Variants in ACP6 observed in about 807,000 individuals in gnomAD.
ACP6 encodes the protein acid phosphatase 6, lysophosphatidic.
In ACP6, 48 loss-of-function variants were observed where a neutral mutation model predicts 48.1. The observed-to-expected ratio is 1.00, with a 90% CI of 0.79 to 1.27. The LOEUF is 1.27. Ranked by LOEUF, ACP6 falls within the 50% of genes most tolerant of loss-of-function variation. ACP6 has a pLI of 0.00. For missense variants in ACP6, 485 were observed against 529.1 expected (o/e 0.92, Z 0.82); for synonymous variants, 172 against 204.2 (o/e 0.84, Z 1.34).
chr1:147,670,120 G>C lies in ACP6; in HGVS notation c.-72C>G. 7.3e-7 allele frequency: 1 copy of C among 1,372,956 alleles called. No homozygotes were observed. Among genetic ancestry groups the C allele is most frequent in the East Asian group, 2.6e-5 (1 of 38,316 alleles). 85.0% of individuals were successfully genotyped at this position (1,372,956 alleles called of 1,614,324 possible). A position where few individuals can be genotyped will look rare whatever the true frequency, so the allele number is the denominator to read the frequency against. On this transcript the variant is annotated 5_prime_UTR_variant, in exon 1 of 10. Coordinates refer to ENST00000583509, the MANE Select transcript of ACP6 (RefSeq NM_016361.5). The stretch of plus-strand genomic sequence containing the variant: ...ACACAAGTCTTCTGCGGGCGCCGGG[G>C]CTCAGCGGGCGCCCCCAAGTCCGCG...
intron 1 of ACP6, among the ~76,000 whole-genome samples, chr1:147,666,248 C>A (rs782628636): frequency 1.3e-5 from 2 of 152,198 alleles, no homozygotes; most frequent in Non-Finnish European, 2.9e-5. Context: ...TGCTAACAGA[C>A]AAATTCCTCC....
At chr1:147,631,434 A>T (rs1659160242) in intron 5 of ACP6, among the ~76,000 whole-genome samples, 1 of 152,062 alleles carries the variant, frequency 6.6e-6, no homozygotes, top group Non-Finnish European at 1.5e-5. Flanking sequence ...CTTTCACCTC[A>T]TTTATTACGT....
intron 5 of ACP6, among the ~76,000 whole-genome samples, chr1:147,654,820 C>G (rs973247358): frequency 6.6e-6 from 1 of 152,142 alleles, no homozygotes; most frequent in African/African-American, 2.4e-5. Context: ...TTTATTTAAC[C>G]TGTTGGTTTT....
At chr1:147,650,115 C>T in intron 8 of ACP6, 28 bp downstream of exon 8, 1 of 1,592,908 alleles carries the variant, frequency 6.3e-7, no homozygotes, top group East Asian at 2.3e-5. Context: ...CCCTTAGCTG[C>T]ACAAAGCAGA....
chr1:147,652,431 G>A lies in ACP6; in HGVS notation c.881+18C>T, dbSNP rs1659973035. On this transcript the variant is annotated intron_variant, in intron 7 of 9. Coordinates refer to ENST00000583509, the MANE Select transcript of ACP6 (RefSeq NM_016361.5). ...TCTGACCAAGCGTGACTTCATGCCA[G>A]CAGTGAGAGCCCCTCACCTGTCTTC... 6.2e-7 allele frequency: 1 copy of A among 1,603,762 alleles called. No individual in the cohort carries two copies. Among genetic ancestry groups the A allele is most frequent in the Non-Finnish European group, 8.5e-7 (1 of 1,174,692 alleles).
chr1:147,629,822 G>A, exon 6 of ACP6: 1 of 152,130 alleles, frequency 6.6e-6, no homozygotes, highest in East Asian at 1.9e-4. Flanking sequence ...TATTTAACAT[G>A]GCTTCTTATT....
At chr1:147,652,669 C>G in intron 6 of ACP6, 120 bp from the exon 7 acceptor site, 1 of 1,598,262 alleles carries the variant, frequency 6.3e-7, no homozygotes, top group Non-Finnish European at 8.5e-7. Context: ...AAGACAGGCT[C>G]AAGAACAGCT....
chr1:147,669,789 G>C, intron 1 of ACP6, 41 bp downstream of exon 1: 2 of 1,514,710 alleles, frequency 1.3e-6, no homozygotes, highest in South Asian at 1.2e-5. Context: ...CCTGGCACAC[G>C]GTCCTCGCCC....
chr1:147,666,934 A>G (rs1000735683), intron 1 of ACP6, among the ~76,000 whole-genome samples: 9 of 152,164 alleles, frequency 5.9e-5, no homozygotes, highest in Admixed American at 3.3e-4. Context: ...AGGGACCCAA[A>G]TGTCTTAATC....
rs202186510 is a variant in ACP6 at position 147,652,394 on chromosome 1, T to C, written c.881+55A>G. Reference sequence around the variant, plus strand: ...GGGCCTGATGAACTCCTCTTCCCCATACACTTGGATGTCTGACCAAGCGTG... The same window carrying C: ...GGGCCTGATGAACTCCTCTTCCCCACACACTTGGATGTCTGACCAAGCGTG... On this transcript the variant is annotated intron_variant, in intron 7 of 9. Coordinates refer to ENST00000583509, the MANE Select transcript of ACP6 (RefSeq NM_016361.5). 6.2e-5 allele frequency: 95 copies of C among 1,537,870 alleles called. 1 individual carries two copies. The highest frequency in any genetic ancestry group is 2.7e-4 in the East Asian group (12 of 44,220).
chr1:147,670,272 G>A lies in ACP6; in HGVS notation c.-224C>T. On this transcript the variant is annotated 5_prime_UTR_variant, in exon 1 of 10. Transcript: ENST00000583509. ...GGTGGCAGCAGCGAAGAGTCCCTGG[G>A]AGTTTTAACCCGGGTCGGGGTTGGT... 3 of 498,616 alleles carry A rather than the reference G, an allele frequency of 6.0e-6. No homozygotes were observed. The highest frequency in any genetic ancestry group is 1.1e-5 in the Non-Finnish European group (3 of 278,842). 30.9% of individuals were successfully genotyped at this position (498,616 alleles called of 1,614,324 possible). A position where few individuals can be genotyped will look rare whatever the true frequency, so the allele number is the denominator to read the frequency against.
chr1:147,669,337 T>C (rs1399585659), intron 1 of ACP6, among the ~76,000 whole-genome samples: 1 of 152,178 alleles, frequency 6.6e-6, no homozygotes, highest in Non-Finnish European at 1.5e-5. Context: ...GTTATAAAGT[T>C]TGTTTCCAAA....
intron 4 of ACP6, among the ~76,000 whole-genome samples, chr1:147,656,452 T>A (rs1191792439): frequency 6.6e-6 from 1 of 152,212 alleles, no homozygotes; most frequent in South Asian, 2.1e-4. Context: ...CAGACCCCTC[T>A]GAAGAATCCT....
At position 147,650,250 on chromosome 1, in the gene ACP6, GAAC is replaced by G. The variant is rs1209315336; in HGVS notation, c.882-15_882-13del. ...TCTGAAGACTTTCCCTGTGAAAAGT[GAAC>G]AACATTTAAGCACCTAGAGGGCACT... On this transcript the variant is annotated splice_polypyrimidine_tract_variant and intron_variant, in intron 7 of 9. Coordinates refer to ENST00000583509, the MANE Select transcript of ACP6 (RefSeq NM_016361.5). 2.5e-6 allele frequency: 4 copies of G among 1,587,434 alleles called. No individual in the cohort carries two copies. Among genetic ancestry groups the G allele is most frequent in the South Asian group, 1.1e-5 (1 of 87,340 alleles).
At chr1:147,638,926 G>A (rs1410595827), downstream of ACP6, among the ~76,000 whole-genome samples, 1 of 152,122 alleles carries the variant, frequency 6.6e-6, no homozygotes, top group African/African-American at 2.4e-5. Flanking sequence ...GCACGAACAC[G>A]GGCCACCACA....
Position 147,643,940 on chromosome 1 carries a change from G to A in ACP6, c.*3483C>T, listed in dbSNP as rs1387723604. 6.6e-6 allele frequency: 1 copy of A among 152,218 alleles called. No homozygotes were observed. The highest frequency in any genetic ancestry group is 1.5e-5 in the Non-Finnish European group (1 of 68,052). The allele number at this position is 152,218 out of a possible 1,614,324, so 9.4% of individuals were successfully genotyped here. A position where few individuals can be genotyped will look rare whatever the true frequency, so the allele number is the denominator to read the frequency against. Reference sequence around the variant, plus strand: ...GGTGCCTGTTGCTGCATCCTCCAGAGAGGAGGAACACTTTGTCATCATATG... The same window carrying A: ...GGTGCCTGTTGCTGCATCCTCCAGAAAGGAGGAACACTTTGTCATCATATG... On this transcript the variant is annotated 3_prime_UTR_variant, in exon 10 of 10. Coordinates refer to ENST00000583509, the MANE Select transcript of ACP6 (RefSeq NM_016361.5).
intron 6 of ACP6, 107 bp from the exon 7 acceptor site, chr1:147,652,656 G>C (rs1234949262): frequency 6.2e-7 from 1 of 1,603,204 alleles, no homozygotes; most frequent in Admixed American, 1.7e-5. Flanking sequence ...TCCTGGGGAA[G>C]AGAAGACAGG....
intron 5 of ACP6, among the ~76,000 whole-genome samples, chr1:147,636,564 G>A (rs1570938485): frequency 6.6e-6 from 1 of 152,214 alleles, no homozygotes; most frequent in Non-Finnish European, 1.5e-5. Context: ...TCAGGTCAAA[G>A]GTGAAAGTTT....
intron 5 of ACP6, among the ~76,000 whole-genome samples, chr1:147,632,980 G>A (rs1327629745): frequency 6.6e-6 from 1 of 152,164 alleles, no homozygotes; most frequent in Non-Finnish European, 1.5e-5. Flanking sequence ...TTTTGAGACT[G>A]AGAAGCTGAA....
Sources: gnomAD v4.1 joint callset for allele counts (sites outside exome capture counted in the v4.1 genomes callset) on GRCh38, gnomAD v4.1.1 for gene constraint, MANE v1.5 for transcripts, NCBI Gene and HGNC (gene_info 2026-07-23, HGNC 2026-07-21) for gene names.